Variants in EHHADH observed in about 807,000 individuals in gnomAD.
EHHADH encodes peroxisomal bifunctional enzyme.
In EHHADH, 48 loss-of-function variants were observed where a neutral mutation model predicts 64.4. That is an observed-to-expected ratio of 0.75 (90% CI 0.59 to 0.95). EHHADH has a LOEUF of 0.95. EHHADH is among the 40% of genes least tolerant of loss of function. The pLI, the probability that EHHADH is intolerant of heterozygous loss-of-function variation, is 0.00. For synonymous variants in EHHADH, 308 were observed against 326.7 expected, an observed-to-expected ratio of 0.94 and a Z score of 0.62; for missense variants, 854 against 876.6, an observed-to-expected ratio of 0.97 and a Z score of 0.33.
chr3:185,236,804 A>T (rs1719308576), intron 2 of EHHADH, among the ~76,000 whole-genome samples: 1 of 152,196 alleles, frequency 6.6e-6, no homozygotes, highest in Non-Finnish European at 1.5e-5. Context: ...TCATTCCTGT[A>T]GCTTTAGATT....
intron 5 of EHHADH, among the ~76,000 whole-genome samples, chr3:185,215,533 G>A (rs1030258960): frequency 6.6e-6 from 1 of 152,156 alleles, no homozygotes; most frequent in African/African-American, 2.4e-5. Context: ...AAAGGGGTAT[G>A]AGAATACTTT....
At position 185,195,989 on chromosome 3, in the gene EHHADH, T is replaced by A. The variant is rs569448612; in HGVS notation, c.911-2502A>T. Among the ~76,000 whole-genome samples the A allele has an allele frequency of 9.8e-4, 150 of 152,314 alleles. 1 individual carries two copies. The highest frequency in any genetic ancestry group is 1.6e-3 in the Non-Finnish European group (111 of 68,022). On this transcript the variant is annotated intron_variant, in intron 6 of 6. Transcript: ENST00000231887. ...GGCTGGATCCAGAAAATTGTGTATA[T>A]TACCTGTACACAGAATGTATACACA...
At chr3:185,200,110 T>C (rs775596397) in intron 6 of EHHADH, among the ~76,000 whole-genome samples, 5 of 152,210 alleles carry the variant, frequency 3.3e-5, no homozygotes, top group African/African-American at 4.8e-5. Context: ...TAAACACTTA[T>C]TGTGTTAAGC....
At position 185,192,151 on chromosome 3, in the gene EHHADH, T is replaced by G; in HGVS notation, c.*75A>C. ...ATTTCAGAACAATCTTACTTTGGAT[T>G]TTTGATTTAATTTCACTGAAATTCA... On this transcript the variant is annotated 3_prime_UTR_variant, in exon 7 of 7. Coordinates refer to ENST00000231887, the MANE Select transcript of EHHADH (RefSeq NM_001966.4). The G allele has an allele frequency of 1.4e-6, 2 of 1,472,334 alleles. No individual in the cohort carries two copies. Among genetic ancestry groups the G allele is most frequent in the Non-Finnish European group, 1.8e-6 (2 of 1,090,548 alleles). The allele number at this position is 1,472,334 out of a possible 1,614,324, so 91.2% of individuals were successfully genotyped here.
intron 6 of EHHADH, 89 bp from the exon 7 acceptor site, chr3:185,193,576 A>G: frequency 6.9e-7 from 1 of 1,442,164 alleles, no homozygotes; most frequent in East Asian, 2.3e-5. Flanking sequence ...TTATGTGACA[A>G]TGTGGCATTT....
intron 5 of EHHADH, among the ~76,000 whole-genome samples, chr3:185,215,335 C>G (rs1030414168): frequency 2.0e-5 from 3 of 151,880 alleles, no homozygotes; most frequent in African/African-American, 7.3e-5. Flanking sequence ...TAAAAAGGAA[C>G]AAAATATTAA....
intron 1 of EHHADH, among the ~76,000 whole-genome samples, chr3:185,253,604 C>A (rs1460077512): frequency 6.6e-6 from 1 of 150,522 alleles, no homozygotes; most frequent in Non-Finnish European, 1.5e-5. Flanking sequence ...AGTCGGCCTG[C>A]AAAGCCAAAG....
chr3:185,201,095 G>A (rs1158726042), intron 6 of EHHADH, among the ~76,000 whole-genome samples: 1 of 152,196 alleles, frequency 6.6e-6, no homozygotes, highest in Non-Finnish European at 1.5e-5. Flanking sequence ...GGTGGTGGTG[G>A]TAGTGAAGAG....
At chr3:185,208,385 G>A (rs1164179484) in intron 5 of EHHADH, among the ~76,000 whole-genome samples, 1 of 152,156 alleles carries the variant, frequency 6.6e-6, no homozygotes, top group Non-Finnish European at 1.5e-5. Flanking sequence ...AAATCTGAAA[G>A]CCAGAGGACC....
At chr3:185,224,485 A>C (rs1718919582) in intron 4 of EHHADH, among the ~76,000 whole-genome samples, 1 of 147,360 alleles carries the variant, frequency 6.8e-6, no homozygotes, top group Non-Finnish European at 1.5e-5. Flanking sequence ...TGGGAGACAG[A>C]ATGAGACCCT....
intron 4 of EHHADH, among the ~76,000 whole-genome samples, chr3:185,225,051 T>A (rs1718937471): frequency 6.6e-6 from 1 of 152,202 alleles, no homozygotes; most frequent in Non-Finnish European, 1.5e-5. Flanking sequence ...AGGCACTATA[T>A]CAGAAGCATG....
chr3:185,244,027 T>C (rs767530611), intron 2 of EHHADH, among the ~76,000 whole-genome samples: 2 of 152,340 alleles, frequency 1.3e-5, no homozygotes, highest in African/African-American at 4.8e-5. Context: ...TAAATCTGAG[T>C]TGTCCATTTT....
At chr3:185,219,586 T>C (rs959066438) in intron 4 of EHHADH, among the ~76,000 whole-genome samples, 4 of 152,258 alleles carry the variant, frequency 2.6e-5, no homozygotes, top group Admixed American at 2.0e-4. Context: ...GTTGTAAATA[T>C]GCAATTTGAT....
chr3:185,243,075 T>C (rs913660571), intron 2 of EHHADH, among the ~76,000 whole-genome samples: 2 of 152,232 alleles, frequency 1.3e-5, no homozygotes, highest in South Asian at 2.1e-4. Flanking sequence ...CATGGCTCTC[T>C]AAATTGACTC....
At chr3:185,244,085 C>T (rs1190039878) in intron 2 of EHHADH, among the ~76,000 whole-genome samples, 1 of 152,108 alleles carries the variant, frequency 6.6e-6, no homozygotes, top group East Asian at 1.9e-4. Context: ...TTGTATTGAA[C>T]CCTTTATTAT....
chr3:185,204,632 C>T lies in EHHADH; in HGVS notation c.694G>A (p.Ala232Thr). 6.2e-7 allele frequency: 1 copy of T among 1,614,232 alleles called. No homozygotes were observed. The highest frequency in any genetic ancestry group is 8.5e-7 in the Non-Finnish European group (1 of 1,180,042). Residue 232 changes from alanine to threonine, a missense_variant, in exon 6 of 7, where the codon GCT (alanine) becomes ACT (threonine). Transcript: ENST00000231887. ...RQHPGCLAQEACVRAVQAAVQ... is the reference protein window; with the variant it reads ...RQHPGCLAQETCVRAVQAAVQ... ...GCAGCCTGGACTGCACGGACACAAGCCTCCTGTGCAAGACACCCAGGGTGC... is the reference window on the plus strand; with the variant it reads ...GCAGCCTGGACTGCACGGACACAAGTCTCCTGTGCAAGACACCCAGGGTGC...
chr3:185,228,665 C>T (rs895549188), intron 4 of EHHADH, among the ~76,000 whole-genome samples: 10 of 150,974 alleles, frequency 6.6e-5, no homozygotes, highest in South Asian at 2.1e-4. Flanking sequence ...GCTACAAGAG[C>T]GAAACTCCGT....
intron 5 of EHHADH, among the ~76,000 whole-genome samples, chr3:185,205,546 T>C (rs1718364660): frequency 6.6e-6 from 1 of 152,224 alleles, no homozygotes; most frequent in Non-Finnish European, 1.5e-5. Flanking sequence ...ATTTTCAACA[T>C]AGGTGTCCAA....
chr3:185,229,406 C>T (rs1377096855), intron 4 of EHHADH, 26 bp downstream of exon 4: 5 of 1,347,558 alleles, frequency 3.7e-6, no homozygotes, highest in South Asian at 2.2e-5. Flanking sequence ...CTAATCTAGA[C>T]AGTTGTTGCC....
Sources: allele counts gnomAD v4.1 joint callset (sites outside exome capture counted in the v4.1 genomes callset), GRCh38; gene constraint gnomAD v4.1.1; transcripts MANE v1.5; gene names NCBI Gene and HGNC (gene_info 2026-07-23, HGNC 2026-07-21).